The following CACNA1E variants were observed in gnomAD, a reference collection of about 807,000 sequenced individuals.
CACNA1E encodes calcium voltage-gated channel subunit alpha1 E.
CACNA1E carries 40 observed loss-of-function variants against 259.2 expected under a neutral mutation model. The observed-to-expected ratio is 0.15, with a 90% confidence interval of 0.12 to 0.20. CACNA1E has a LOEUF of 0.20. Among genes scored for constraint, CACNA1E ranks in the 10% least tolerant of loss-of-function variants. The pLI is 1.00. For missense variants in CACNA1E, 1,874 were observed against 3,040.1 expected (o/e 0.62, Z 9.02); for synonymous variants, 1,104 against 1,138.5 (o/e 0.97, Z 0.61).
chr1:181,618,900 C>T (rs1446435882), intron 6 of CACNA1E, among the ~76,000 whole-genome samples: 1 of 152,178 alleles, frequency 6.6e-6, no homozygotes, highest in Non-Finnish European at 1.5e-5. Flanking sequence ...TCTGGTTAAT[C>T]TGGCCCTAAA....
At chr1:181,447,536 G>GA (rs58207856) in intron 2 of CACNA1E, among the ~76,000 whole-genome samples, 58 of 139,250 alleles carry the variant, frequency 4.2e-4, no homozygotes, top group East Asian at 1.8e-3. Context: ...CTCTTAAAAA[G>GA]AAAAAAAAAA....
chr1:181,613,452 A>AT (rs1189831303), intron 6 of CACNA1E, among the ~76,000 whole-genome samples: 8 of 152,242 alleles, frequency 5.3e-5, no homozygotes, highest in Non-Finnish European at 8.8e-5. Context: ...AAAGAAAATC[A>AT]TAAGGAAGAG....
At chr1:181,326,992 C>G (rs994124485) in intron 1 of CACNA1E, among the ~76,000 whole-genome samples, 75 of 152,156 alleles carry the variant, frequency 4.9e-4, no homozygotes, top group African/African-American at 1.7e-3. Flanking sequence ...TTTGGGCTGT[C>G]CTGGGTTCTT....
intron 8 of CACNA1E, among the ~76,000 whole-genome samples, chr1:181,713,255 C>G (rs1653565584): frequency 6.6e-6 from 1 of 152,196 alleles, no homozygotes; most frequent in Non-Finnish European, 1.5e-5. Context: ...AGCCCAGACA[C>G]TGTGCACAGC....
intron 1 of CACNA1E, among the ~76,000 whole-genome samples, chr1:181,492,326 C>T (rs1421179464): frequency 6.6e-6 from 1 of 152,108 alleles, no homozygotes; most frequent in African/African-American, 2.4e-5. Context: ...GGTGTGTGCA[C>T]TTCATTGTAT....
At chr1:181,575,000 G>A (rs1221579247) in intron 3 of CACNA1E, among the ~76,000 whole-genome samples, 1 of 148,768 alleles carries the variant, frequency 6.7e-6, no homozygotes, top group Non-Finnish European at 1.5e-5. Context: ...ACTCCAGCCT[G>A]GATGACAGAG....
intron 3 of CACNA1E, among the ~76,000 whole-genome samples, chr1:181,549,919 C>T (rs1265807539): frequency 6.6e-6 from 1 of 152,146 alleles, no homozygotes; most frequent in Non-Finnish European, 1.5e-5. Context: ...CTGGATTCTA[C>T]TGTGAAGACA....
At chr1:181,476,461 C>T (rs372163344) in intron 2 of CACNA1E, among the ~76,000 whole-genome samples, 1 of 152,276 alleles carries the variant, frequency 6.6e-6, no homozygotes, top group East Asian at 1.9e-4. Context: ...TCTGGGCCTT[C>T]AGGGCCCCTT....
intron 40 of CACNA1E, 81 bp downstream of exon 40, chr1:181,783,865 A>C (rs1660636172): frequency 1.4e-5 from 12 of 879,516 alleles, no homozygotes; most frequent in Non-Finnish European, 1.9e-5. Context: ...GAGATATTTG[A>C]ACTGTCATCT....
intron 44 of CACNA1E, among the ~76,000 whole-genome samples, chr1:181,792,554 C>T (rs1372019229): frequency 6.6e-6 from 1 of 152,222 alleles, no homozygotes; most frequent in Non-Finnish European, 1.5e-5. Context: ...CTATAACTCC[C>T]TCAAGTGCAC....
At chr1:181,625,106 G>C (rs983220418) in intron 6 of CACNA1E, among the ~76,000 whole-genome samples, 4 of 134,578 alleles carry the variant, frequency 3.0e-5, no homozygotes, top group Non-Finnish European at 6.2e-5. Context: ...AAAATATTAA[G>C]GAAACCATGC....
At chr1:181,691,721 G>T (rs1651178482) in intron 7 of CACNA1E, among the ~76,000 whole-genome samples, 1 of 152,096 alleles carries the variant, frequency 6.6e-6, no homozygotes, top group Non-Finnish European at 1.5e-5. Context: ...CATACTGAAT[G>T]GGCAAAAGCT....
intron 12 of CACNA1E, among the ~76,000 whole-genome samples, chr1:181,718,611 AACACACACAC>A (rs60522141): frequency 0.088 from 10,978 of 124,244 alleles, 403 homozygotes; most frequent in South Asian, 0.16. Context: ...CCCTCATTCA[AACACACACAC>A]ACACACACAC....
chr1:181,784,847 G>T, intron 41 of CACNA1E, 79 bp downstream of exon 41: 1 of 798,562 alleles, frequency 1.3e-6, no homozygotes, highest in Non-Finnish European at 2.1e-6. Flanking sequence ...AACCCAGAGT[G>T]ATCAAAGAGA....
intron 7 of CACNA1E, among the ~76,000 whole-genome samples, chr1:181,673,400 T>G (rs1200403085): frequency 6.6e-6 from 1 of 151,978 alleles, no homozygotes; most frequent in East Asian, 1.9e-4. Context: ...CCTGTGTGAG[T>G]GTTTAAGTCC....
At chr1:181,599,249 G>A (rs1336345499) in intron 6 of CACNA1E, among the ~76,000 whole-genome samples, 1 of 152,186 alleles carries the variant, frequency 6.6e-6, no homozygotes, top group African/African-American at 2.4e-5. Flanking sequence ...GTTTGCTAAG[G>A]ATAACAGCCT....
At chr1:181,610,547 G>A (rs1176016215) in intron 6 of CACNA1E, among the ~76,000 whole-genome samples, 4 of 152,212 alleles carry the variant, frequency 2.6e-5, no homozygotes, top group Non-Finnish European at 4.4e-5. Context: ...ACAGCAAAAA[G>A]TTCTGATCCA....
chr1:181,511,481 T>A lies in CACNA1E; in HGVS notation c.483T>A (p.Asn161Lys). The A allele has an allele frequency of 6.2e-7, 1 of 1,613,942 alleles. No homozygotes were observed. Among genetic ancestry groups the A allele is most frequent in the Non-Finnish European group, 8.5e-7 (1 of 1,179,880 alleles). ...GCTCTTACCTCCGCAATGGCTGGAA[T>A]GTCATGGACTTCATCGTGGTCCTCA... ...HKGSYLRNGW[N>K]VMDFIVVLSG... The change falls in exon 3 of 48, where the codon AAT becomes AAA. Residue 161 changes from asparagine to lysine, a missense_variant. Transcript: ENST00000367573.
intron 3 of CACNA1E, among the ~76,000 whole-genome samples, chr1:181,513,171 A>G (rs1023822817): frequency 6.6e-5 from 10 of 152,358 alleles, no homozygotes; most frequent in Admixed American, 4.6e-4. Flanking sequence ...AAATGATTAT[A>G]TGTTCATTAA....
Sources: allele counts gnomAD v4.1 joint callset (sites outside exome capture counted in the v4.1 genomes callset), GRCh38; gene constraint gnomAD v4.1.1; transcripts MANE v1.5; gene names NCBI Gene and HGNC (gene_info 2026-07-23, HGNC 2026-07-21).